Variants in SYT10 observed in about 807,000 individuals in gnomAD.
The protein encoded by SYT10 is synaptotagmin 10.
SYT10 carries 31 observed loss-of-function variants against 51.1 expected under a neutral mutation model. The ratio of observed to expected loss-of-function variants is 0.61; its 90% confidence interval spans 0.46 to 0.82. The LOEUF (loss-of-function observed/expected upper bound fraction) is 0.82, where lower values mean the gene tolerates loss of function less well. SYT10 is among the 40% of genes least tolerant of loss of function. The pLI, the probability that SYT10 is intolerant of heterozygous loss-of-function variation, is 0.00. For missense variants in SYT10, 603 were observed against 634.0 expected (o/e 0.95, Z 0.53); for synonymous variants, 233 against 225.9 (o/e 1.03, Z -0.28).
intron 3 of SYT10, among the ~76,000 whole-genome samples, chr12:33,390,303 C>T (rs541990201): frequency 2.1e-4 from 32 of 152,172 alleles, no homozygotes; most frequent in African/African-American, 7.5e-4. Flanking sequence ...CAAGGCTGAG[C>T]GTATCAGGCT....
chr12:33,392,532 G>A (rs141893650), intron 3 of SYT10, among the ~76,000 whole-genome samples: 4 of 152,034 alleles, frequency 2.6e-5, no homozygotes, highest in African/African-American at 9.7e-5. Context: ...AGGAAAAGGA[G>A]GCTTCTATCA....
At position 33,375,398 on chromosome 12, in the gene SYT10, T is replaced by C. The variant is rs2138375126; in HGVS notation, c.*1432A>G. The C allele has an allele frequency of 6.6e-6, 1 of 152,156 alleles. No homozygotes were observed. The highest frequency in any genetic ancestry group is 2.4e-5 in the African/African-American group (1 of 41,562). The allele number at this position is 152,156 out of a possible 1,614,324, so 9.4% of individuals were successfully genotyped here. On this transcript the variant is annotated 3_prime_UTR_variant, in exon 7 of 7. Coordinates refer to ENST00000228567, the MANE Select transcript of SYT10 (RefSeq NM_198992.4). ...TAAAATTTTCTCATCCAGGTAAATA[T>C]GTTTTTATTTTCTTGCCTCTTTTTT...
chr12:33,397,768 A>C (rs1866269337), intron 3 of SYT10, among the ~76,000 whole-genome samples: 1 of 151,982 alleles, frequency 6.6e-6, no homozygotes, highest in African/African-American at 2.4e-5. Flanking sequence ...TCCTTGGGAG[A>C]AGTCTGACTC....
rs569056308 is a variant in SYT10 at position 33,422,459 on chromosome 12, C to T, written c.509+3679G>A. Among the ~76,000 whole-genome samples the T allele has an allele frequency of 2.0e-5, 3 of 152,230 alleles. No individual in the cohort carries two copies. The East Asian group carries it at 5.8e-4, about 29-fold the overall frequency. On this transcript the variant is annotated intron_variant, in intron 2 of 6. Coordinates refer to ENST00000228567, the MANE Select transcript of SYT10 (RefSeq NM_198992.4). The stretch of plus-strand genomic sequence containing the variant: ...TGTTGCCAAGTGAATTATCCTAAAA[C>T]ATAACACTTACCCACAGAACTCCTC...
intron 3 of SYT10, among the ~76,000 whole-genome samples, chr12:33,400,228 G>A (rs1457612285): frequency 6.6e-6 from 1 of 152,094 alleles, no homozygotes; most frequent in African/African-American, 2.4e-5. Context: ...AAAATATATA[G>A]TATTATTCTG....
chr12:33,401,502 C>T (rs544972371), intron 3 of SYT10, among the ~76,000 whole-genome samples: 1 of 152,134 alleles, frequency 6.6e-6, no homozygotes, highest in East Asian at 1.9e-4. Context: ...TTGCTACTTC[C>T]TGAAAAATAT....
chr12:33,439,233 G>T, intron 1 of SYT10, 139 bp downstream of exon 1: 1 of 1,127,214 alleles, frequency 8.9e-7, no homozygotes, highest in Non-Finnish European at 1.2e-6. Flanking sequence ...GCTGAGCGAA[G>T]GAAGGAGCGA....
At chr12:33,437,194 C>T (rs1866645107) in intron 1 of SYT10, among the ~76,000 whole-genome samples, 1 of 152,162 alleles carries the variant, frequency 6.6e-6, no homozygotes, top group Non-Finnish European at 1.5e-5. Flanking sequence ...ATATGTCATA[C>T]ACAACTTAGT....
Position 33,376,562 on chromosome 12 carries a change from C to T in SYT10, c.*268G>A. ...AAAACATTTCATATGCAAAGAATTACAACATAGTAAAACACTCTTTGTGCT... is the reference window on the plus strand; with the variant it reads ...AAAACATTTCATATGCAAAGAATTATAACATAGTAAAACACTCTTTGTGCT... On this transcript the variant is annotated 3_prime_UTR_variant, in exon 7 of 7. Coordinates refer to ENST00000228567, the MANE Select transcript of SYT10 (RefSeq NM_198992.4). 1 of 451,614 alleles carries T rather than the reference C, an allele frequency of 2.2e-6. No homozygotes were observed. Among genetic ancestry groups the T allele is most frequent in the Middle Eastern group, 6.2e-4 (1 of 1,612 alleles). The allele number at this position is 451,614 out of a possible 1,614,324, so 28.0% of individuals were successfully genotyped here.
chr12:33,397,178 T>C (rs1262813675), intron 3 of SYT10, among the ~76,000 whole-genome samples: 1 of 152,166 alleles, frequency 6.6e-6, no homozygotes, highest in Non-Finnish European at 1.5e-5. Flanking sequence ...AACATTTTCT[T>C]TCTTTAGAGT....
Position 33,439,712 on chromosome 12 carries a change from G to T in SYT10, c.-190C>A, listed in dbSNP as rs1200246184. On this transcript the variant is annotated 5_prime_UTR_variant, in exon 1 of 7. Transcript: ENST00000228567. ...CCCATGGCGGGAGCGGAGGGCGTAG[G>T]GGAAGGAGAGGCGCGCGAGGAGGCT... The T allele has an allele frequency of 1.6e-6, 1 of 639,826 alleles. No homozygotes were observed. Among genetic ancestry groups the T allele is most frequent in the African/African-American group, 1.9e-5 (1 of 53,466 alleles). 39.6% of individuals were successfully genotyped at this position (639,826 alleles called of 1,614,324 possible).
intron 3 of SYT10, among the ~76,000 whole-genome samples, chr12:33,398,664 T>TA (rs2138405145): frequency 6.6e-6 from 1 of 152,318 alleles, no homozygotes; most frequent in Non-Finnish European, 1.5e-5. Context: ...ACTACTATGA[T>TA]ATAATTTTTA....
chr12:33,430,134 G>A (rs899504486), intron 1 of SYT10, among the ~76,000 whole-genome samples: 1 of 152,108 alleles, frequency 6.6e-6, no homozygotes, highest in African/African-American at 2.4e-5. Context: ...AAAATTGCTC[G>A]AACTCTGGTT....
chr12:33,405,039 C>T lies in SYT10; in HGVS notation c.1077+1750G>A, dbSNP rs1175212939. ...TGTTTAAAAAAAAAAATCACAATCT[C>T]CTAGTCGATTATACTAATTTTTTAG... On this transcript the variant is annotated intron_variant, in intron 3 of 6. Coordinates refer to ENST00000228567, the MANE Select transcript of SYT10 (RefSeq NM_198992.4). The T allele has an allele frequency of 5.3e-5, 8 of 152,144 alleles. No individual in the cohort carries two copies. In the East Asian group the frequency reaches 1.5e-3, roughly 29 times the overall value. 9.4% of individuals were successfully genotyped at this position (152,144 alleles called of 1,614,324 possible). A position where few individuals can be genotyped will look rare whatever the true frequency, so the allele number is the denominator to read the frequency against.
At chr12:33,423,884 T>C in intron 2 of SYT10, 1 of 452,846 alleles carries the variant, frequency 2.2e-6, no homozygotes, top group Non-Finnish European at 4.4e-6. Context: ...AACTCACATG[T>C]CATGGGGATA....
intron 2 of SYT10, among the ~76,000 whole-genome samples, chr12:33,413,264 A>G (rs1188115477): frequency 6.6e-6 from 1 of 152,210 alleles, no homozygotes; most frequent in East Asian, 1.9e-4. Context: ...ACTCTGCTGG[A>G]TATTATCCAG....
Position 33,426,333 on chromosome 12 carries a change from G to C in SYT10, c.314C>G (p.Thr105Ser). 1 of 1,613,986 alleles carries C rather than the reference G, an allele frequency of 6.2e-7. No individual in the cohort carries two copies. Among genetic ancestry groups the C allele is most frequent in the Non-Finnish European group, 8.5e-7 (1 of 1,180,002 alleles). ...TTTCTCTTCAGTCTCAAAAACTTCAGTAGGAGCACTTGAAATGCTCTGTGG... is the reference window on the plus strand; with the variant it reads ...TTTCTCTTCAGTCTCAAAAACTTCACTAGGAGCACTTGAAATGCTCTGTGG... ...TLPQSISSAP[T>S]EVFETEEKKE... Residue 105 changes from threonine (T) to serine (S), a missense_variant, in exon 2 of 7, where the codon ACT (threonine) becomes AGT (serine). Coordinates refer to ENST00000228567, the MANE Select transcript of SYT10 (RefSeq NM_198992.4).
chr12:33,386,509 A>T (rs1361796491), intron 3 of SYT10, among the ~76,000 whole-genome samples: 1 of 151,000 alleles, frequency 6.6e-6, no homozygotes. Flanking sequence ...CCCTTTGACT[A>T]GTACTTCTTT....
At chr12:33,389,301 C>A (rs1211842076) in intron 3 of SYT10, among the ~76,000 whole-genome samples, 1 of 152,032 alleles carries the variant, frequency 6.6e-6, no homozygotes, top group Admixed American at 6.6e-5. Context: ...GTTAAAAATA[C>A]CAAATCTTCC....
Sources: gnomAD v4.1 joint callset for allele counts (sites outside exome capture counted in the v4.1 genomes callset) on GRCh38, gnomAD v4.1.1 for gene constraint, MANE v1.5 for transcripts, NCBI Gene and HGNC (gene_info 2026-07-23, HGNC 2026-07-21) for gene names.